The following TMEM164 variants were observed in gnomAD, a reference collection of about 807,000 sequenced individuals.
TMEM164 encodes transmembrane protein 164, also known as RP13-360B22.2.
TMEM164 carries 4 observed loss-of-function variants against 18.8 expected under a neutral mutation model. That is an observed-to-expected ratio of 0.21 (90% CI 0.10 to 0.49). The LOEUF is 0.49. TMEM164 is among the 20% of genes least tolerant of loss of function. The pLI is 0.98. For synonymous variants in TMEM164, 86 were observed against 101.7 expected, an observed-to-expected ratio of 0.85 and a Z score of 0.93; for missense variants, 108 against 239.9, an observed-to-expected ratio of 0.45 and a Z score of 3.63.
intron 4 of TMEM164, among the ~76,000 whole-genome samples, chrX:110,114,447 G>C (rs970019542): frequency 6.3e-5 from 7 of 111,874 alleles, no homozygotes; most frequent in African/African-American, 2.3e-4. Context: ...CCGTGACTTT[G>C]CAAAGAATAT....
chrX:110,105,190 AT>A (rs2066171311), intron 3 of TMEM164, among the ~76,000 whole-genome samples: 3 of 97,143 alleles, frequency 3.1e-5, no homozygotes, highest in Non-Finnish European at 6.0e-5. Context: ...CCATCCATCC[AT>A]CCATCCATCC....
intron 2 of TMEM164, among the ~76,000 whole-genome samples, chrX:110,063,082 C>A (rs1019337014): frequency 9.0e-6 from 1 of 111,478 alleles, no homozygotes; most frequent in African/African-American, 3.3e-5. Context: ...CCTCAGCGAT[C>A]CCCAGATAGC....
chrX:110,098,336 G>A (rs1264884860), intron 3 of TMEM164, among the ~76,000 whole-genome samples: 2 of 111,711 alleles, frequency 1.8e-5, no homozygotes, highest in Non-Finnish European at 3.8e-5. Context: ...ACTGCTTCCA[G>A]ATTTTGTCTA....
intron 2 of TMEM164, among the ~76,000 whole-genome samples, chrX:110,054,745 T>C (rs1341969816): frequency 1.8e-5 from 2 of 111,893 alleles, no homozygotes; most frequent in Admixed American, 9.5e-5. Context: ...GTTTGTAGGT[T>C]CAAAGCCTAA....
chrX:110,121,477 T>C (rs1427482202), intron 4 of TMEM164, among the ~76,000 whole-genome samples: 1 of 112,485 alleles, frequency 8.9e-6, no homozygotes, highest in Non-Finnish European at 1.9e-5. Flanking sequence ...ACTGACTTCT[T>C]TCACTCAGCA....
chrX:110,027,788 TAAATA>T (rs1450064908), intron 2 of TMEM164, among the ~76,000 whole-genome samples: 9 of 111,184 alleles, frequency 8.1e-5, no homozygotes, highest in African/African-American at 2.6e-4. Flanking sequence ...AATAAATAAA[TAAATA>T]AAATAAAATA....
chrX:110,028,592 T>G (rs1333759174), intron 2 of TMEM164, among the ~76,000 whole-genome samples: 1 of 112,593 alleles, frequency 8.9e-6, no homozygotes, highest in African/African-American at 3.2e-5. Context: ...CATTGTGCTT[T>G]CTTAACTCAT....
rs758900532 is a variant in TMEM164, at chrX:110,105,679, GACACACAC to G, written c.441-3367_441-3360del. 4.2e-3 allele frequency among the ~76,000 whole-genome samples: 273 copies of G among 65,405 alleles called. 1 individual carries two copies. The highest frequency in any genetic ancestry group is 9.0e-3 in the Middle Eastern group (1 of 111). The allele number at this position is 65,405 out of a possible 115,157, so 56.8% of individuals were successfully genotyped here. ...TGATACATACACACATAGAAACACA[GACACACAC>G]ACACACACACACACACACACACACA... is the stretch of plus-strand genomic sequence containing the variant. On this transcript the variant is annotated intron_variant, in intron 3 of 6. Transcript: ENST00000372068.
intron 2 of TMEM164, among the ~76,000 whole-genome samples, chrX:110,031,859 T>TC (rs1934526458): frequency 9.3e-6 from 1 of 107,842 alleles, no homozygotes; most frequent in Non-Finnish European, 1.9e-5. Flanking sequence ...TCTTTTTTTT[T>TC]CTTTTTATTA....
At chrX:110,030,322 C>T (rs1186254892) in intron 2 of TMEM164, among the ~76,000 whole-genome samples, 2 of 107,100 alleles carry the variant, frequency 1.9e-5, no homozygotes, top group African/African-American at 3.4e-5. Flanking sequence ...GGTTTCACTG[C>T]GTTGCCGAGG....
chrX:110,036,855 C>A (rs757021933), intron 2 of TMEM164, among the ~76,000 whole-genome samples: 8 of 111,275 alleles, frequency 7.2e-5, no homozygotes, highest in Non-Finnish European at 1.1e-4. Context: ...CCACATGTGG[C>A]TATTGTGCAC....
chrX:110,024,332 T>C (rs1253404086), intron 2 of TMEM164, among the ~76,000 whole-genome samples: 2 of 111,976 alleles, frequency 1.8e-5, no homozygotes, highest in African/African-American at 3.3e-5. Context: ...TCACTCAGGC[T>C]AGATGCAGTG....
At chrX:110,151,632 T>A (rs748897446) in intron 5 of TMEM164, among the ~76,000 whole-genome samples, 4 of 110,648 alleles carry the variant, frequency 3.6e-5, no homozygotes, top group African/African-American at 1.3e-4. Context: ...AATACAAAAA[T>A]TAGCCAAGTG....
chrX:110,148,335 A>G (rs893145323), intron 5 of TMEM164, among the ~76,000 whole-genome samples: 4 of 110,180 alleles, frequency 3.6e-5, no homozygotes, highest in African/African-American at 1.3e-4. Flanking sequence ...CTCTACCTCT[A>G]CAAGCTTCTT....
chrX:110,009,196 A>C (rs1932892221), intron 2 of TMEM164, among the ~76,000 whole-genome samples: 1 of 112,147 alleles, frequency 8.9e-6, no homozygotes. Context: ...AGCTCACAGA[A>C]TTTTTATTCC....
At chrX:110,058,883 G>A (rs1464508292) in intron 2 of TMEM164, among the ~76,000 whole-genome samples, 5 of 108,715 alleles carry the variant, frequency 4.6e-5, no homozygotes, top group African/African-American at 1.7e-4. Flanking sequence ...TGCCTGCCTC[G>A]GCCTCCCAAA....
intron 2 of TMEM164, among the ~76,000 whole-genome samples, chrX:110,010,706 T>C (rs1029446734): frequency 3.6e-5 from 4 of 111,950 alleles, no homozygotes; most frequent in Middle Eastern, 4.6e-3. Context: ...CTGGGTGATC[T>C]GTGGGCAAGG....
At chrX:110,020,713 C>T in intron 2 of TMEM164, 1 of 748,997 alleles carries the variant, frequency 1.3e-6, no homozygotes, top group Non-Finnish European at 1.6e-6. Context: ...AGCCACCCCA[C>T]CCACTTTAAA....
chrX:110,141,144 C>T (rs956759556), intron 4 of TMEM164, among the ~76,000 whole-genome samples: 7 of 111,305 alleles, frequency 6.3e-5, no homozygotes, highest in African/African-American at 2.0e-4. Context: ...ATAATGAGAC[C>T]CTATTTCTTT....
Sources: allele counts gnomAD v4.1 joint callset (sites outside exome capture counted in the v4.1 genomes callset), GRCh38; gene constraint gnomAD v4.1.1; transcripts MANE v1.5; gene names NCBI Gene and HGNC (gene_info 2026-07-23, HGNC 2026-07-21).